The following AGMO variants were observed in gnomAD, a reference collection of about 807,000 sequenced individuals.
AGMO encodes glyceryl-ether monooxygenase.
In AGMO, 75 loss-of-function variants were observed where a neutral mutation model predicts 60.2. The ratio of observed to expected loss-of-function variants is 1.25; its 90% CI spans 1.03 to 1.51. The LOEUF is 1.51. AGMO is among the 40% of genes most tolerant of loss of function. The pLI is 0.00. For missense variants in AGMO, 763 were observed against 525.5 expected (o/e 1.45, Z -4.42); for synonymous variants, 261 against 177.1 (o/e 1.47, Z -3.76).
intron 3 of AGMO, among the ~76,000 whole-genome samples, chr7:15,431,824 C>G (rs1355756981): frequency 6.6e-6 from 1 of 151,756 alleles, no homozygotes; most frequent in Non-Finnish European, 1.5e-5. Flanking sequence ...ACAGATTGCT[C>G]TCATACTGTC....
intron 12 of AGMO, among the ~76,000 whole-genome samples, chr7:15,250,574 C>A (rs1435554700): frequency 6.6e-6 from 1 of 151,950 alleles, no homozygotes; most frequent in Admixed American, 6.6e-5. Flanking sequence ...CACACACACA[C>A]ACACACACAC....
the AGMO span, among the ~76,000 whole-genome samples, chr7:15,192,300 C>A: frequency 1.3e-5 from 2 of 151,866 alleles, no homozygotes; most frequent in Non-Finnish European, 2.9e-5. Flanking sequence ...CCCCAAACCC[C>A]AGGCTCCACA....
At chr7:15,554,281 C>T (rs1410075174) in intron 2 of AGMO, among the ~76,000 whole-genome samples, 1 of 151,972 alleles carries the variant, frequency 6.6e-6, no homozygotes, top group East Asian at 1.9e-4. Flanking sequence ...AAACTCCATC[C>T]TGTGGGAAGA....
At chr7:15,478,014 C>G (rs1782642423) in intron 3 of AGMO, among the ~76,000 whole-genome samples, 1 of 152,040 alleles carries the variant, frequency 6.6e-6, no homozygotes, top group Admixed American at 6.6e-5. Flanking sequence ...CACCTTTCTC[C>G]TGTGTATATT....
chr7:15,493,475 G>T (rs918222468), intron 3 of AGMO, among the ~76,000 whole-genome samples: 3 of 140,818 alleles, frequency 2.1e-5, no homozygotes, highest in African/African-American at 7.9e-5. Flanking sequence ...CCGGGTTCAC[G>T]CCATTCTCCT....
the AGMO span, among the ~76,000 whole-genome samples, chr7:15,173,245 T>C: frequency 6.6e-6 from 1 of 152,130 alleles, no homozygotes; most frequent in Non-Finnish European, 1.5e-5. Context: ...TTCACTTGTA[T>C]CACTGCAGAA....
the AGMO span, among the ~76,000 whole-genome samples, chr7:15,164,610 C>T: frequency 1.3e-5 from 2 of 151,940 alleles, no homozygotes; most frequent in African/African-American, 4.8e-5. Context: ...AGCCAACAAA[C>T]GTATGAAAAA....
At chr7:15,191,718 A>G in the AGMO span, among the ~76,000 whole-genome samples, 3 of 152,172 alleles carry the variant, frequency 2.0e-5, no homozygotes, top group Admixed American at 6.5e-5. Flanking sequence ...TACTATTAAA[A>G]GTTTTTTTAA....
chr7:15,404,442 G>A (rs1257259598), intron 5 of AGMO, among the ~76,000 whole-genome samples: 1 of 151,774 alleles, frequency 6.6e-6, no homozygotes, highest in Non-Finnish European at 1.5e-5. Context: ...TCCCTCAAAG[G>A]AGAATAAGTT....
chr7:15,301,830 C>T (rs1024708414), intron 12 of AGMO, among the ~76,000 whole-genome samples: 1 of 151,930 alleles, frequency 6.6e-6, no homozygotes, highest in African/African-American at 2.4e-5. Flanking sequence ...TTTTTAACAG[C>T]TGAATAATTT....
intron 12 of AGMO, among the ~76,000 whole-genome samples, chr7:15,325,467 T>C (rs1234421803): frequency 2.0e-5 from 3 of 152,114 alleles, no homozygotes; most frequent in Non-Finnish European, 2.9e-5. Context: ...TTATTTTCCG[T>C]TGTTTTTTAA....
chr7:15,335,320 G>C (rs1180626949), intron 12 of AGMO, among the ~76,000 whole-genome samples: 2 of 152,094 alleles, frequency 1.3e-5, no homozygotes, highest in Admixed American at 1.3e-4. Flanking sequence ...TAATACTGAT[G>C]AAAGAAAATA....
At chr7:15,313,009 T>G (rs904478340) in intron 12 of AGMO, among the ~76,000 whole-genome samples, 1 of 152,076 alleles carries the variant, frequency 6.6e-6, no homozygotes, top group East Asian at 1.9e-4. Flanking sequence ...AGAAAAGTGA[T>G]CTAATATACA....
chr7:15,155,419 C>CTTTTTTTTTTTTTTTTTTTTTTTT, the AGMO span, among the ~76,000 whole-genome samples: 6 of 63,912 alleles, frequency 9.4e-5, no homozygotes, highest in Admixed American at 4.9e-4. Context: ...TACAGAATTT[C>CTTTTTTTTTTTTTTTTTTTTTTTT]TTTTTTTTTT....
intron 12 of AGMO, among the ~76,000 whole-genome samples, chr7:15,265,091 C>T (rs1311623767): frequency 6.6e-6 from 1 of 152,068 alleles, no homozygotes; most frequent in African/African-American, 2.4e-5. Flanking sequence ...CTATGGAATA[C>T]TATGCAACTA....
At chr7:15,138,817 G>C in the AGMO span, among the ~76,000 whole-genome samples, 1 of 145,582 alleles carries the variant, frequency 6.9e-6, no homozygotes, top group Non-Finnish European at 1.5e-5. Context: ...TGTAAGGCCT[G>C]AGTCTATAAA....
At chr7:15,315,192 G>A (rs560776154) in intron 12 of AGMO, among the ~76,000 whole-genome samples, 2 of 151,970 alleles carry the variant, frequency 1.3e-5, no homozygotes, top group Non-Finnish European at 1.5e-5. Context: ...ATGAAATAAT[G>A]AATTTGTGTT....
intron 12 of AGMO, among the ~76,000 whole-genome samples, chr7:15,354,457 CACACGTGTGTGTAT>C (rs1563105752): frequency 2.4e-3 from 42 of 17,578 alleles, no homozygotes; most frequent in East Asian, 0.011. Flanking sequence ...TGTGTGTATA[CACACGTGTGTGTAT>C]ACACACGTGT....
chr7:15,290,878 A>G (rs181366861), intron 12 of AGMO, among the ~76,000 whole-genome samples: 62 of 152,374 alleles, frequency 4.1e-4, no homozygotes, highest in Admixed American at 9.1e-4. Context: ...CAAGGGGGCC[A>G]TTAATATAGA....
Sources: allele counts gnomAD v4.1 joint callset (sites outside exome capture counted in the v4.1 genomes callset), GRCh38; gene constraint gnomAD v4.1.1; transcripts MANE v1.5; gene names NCBI Gene and HGNC (gene_info 2026-07-23, HGNC 2026-07-21).